The following PCDH7 variants were observed in gnomAD, a reference collection of about 807,000 sequenced individuals.
PCDH7 encodes protocadherin-7.
PCDH7 carries 17 observed loss-of-function variants against 58.9 expected under a neutral mutation model. That is an observed-to-expected ratio of 0.29 (90% CI 0.20 to 0.43). The LOEUF is 0.43. PCDH7 is among the 20% of genes least tolerant of loss of function. The probability of loss-of-function intolerance (pLI) is 1.00; values close to 1 mark genes in which losing one functional copy is unlikely to be tolerated. For synonymous variants in PCDH7, 664 were observed against 616.4 expected, an observed-to-expected ratio of 1.08 and a Z score of -1.14; for missense variants, 1,274 against 1,441.0, an observed-to-expected ratio of 0.88 and a Z score of 1.88.
At chr4:31,031,757 C>T (rs1311384115) in intron 3 of PCDH7, among the ~76,000 whole-genome samples, 1 of 152,256 alleles carries the variant, frequency 6.6e-6, no homozygotes, top group East Asian at 1.9e-4. Context: ...CCTTTGGAAA[C>T]ATATACAACT....
intron 1 of PCDH7, among the ~76,000 whole-genome samples, chr4:30,889,256 G>A (rs11725675): frequency 0.17 from 25,912 of 151,492 alleles, 2,288 homozygotes; most frequent in African/African-American, 0.21. Flanking sequence ...CATTTATGAC[G>A]TAGTTTGAAA....
rs186388667 is a variant in PCDH7 at position 30,992,293 on chromosome 4, C to T, written c.*7+42078C>T. The stretch of plus-strand genomic sequence containing the variant: ...GAAACTTTTATTCTTTATGGTGGCT[C>T]ACAATGGATAATTCCCAATCCAGCT... On this transcript the variant is annotated intron_variant, in intron 3 of 3. Transcript: ENST00000509759. 2.1e-4 allele frequency among the ~76,000 whole-genome samples: 32 copies of T among 152,220 alleles called. 2 individuals are homozygous for T. The highest frequency in any genetic ancestry group is 3.3e-4 in the Admixed American group (5 of 15,284).
chr4:31,073,966 G>C (rs1464237752), intron 3 of PCDH7, among the ~76,000 whole-genome samples: 1 of 151,776 alleles, frequency 6.6e-6, no homozygotes, highest in Non-Finnish European at 1.5e-5. Context: ...CGGCCAAACT[G>C]CTTTTCTAGC....
At chr4:30,994,577 G>GTAAATACCT (rs1751716635) in intron 3 of PCDH7, among the ~76,000 whole-genome samples, 1 of 152,138 alleles carries the variant, frequency 6.6e-6, no homozygotes, top group Non-Finnish European at 1.5e-5. Flanking sequence ...TGAAGGCATT[G>GTAAATACCT]TTGATATGTA....
chr4:30,908,911 C>G (rs757658186), intron 1 of PCDH7, among the ~76,000 whole-genome samples: 1 of 152,122 alleles, frequency 6.6e-6, no homozygotes, highest in Admixed American at 6.6e-5. Context: ...CCCTGATGAA[C>G]ATCCATGTGA....
chr4:30,915,287 A>T (rs766181173), intron 1 of PCDH7, among the ~76,000 whole-genome samples: 8 of 152,008 alleles, frequency 5.3e-5, no homozygotes, highest in Non-Finnish European at 8.8e-5. Flanking sequence ...TTCTCCATTG[A>T]TTGACAAGCC....
intron 3 of PCDH7, among the ~76,000 whole-genome samples, chr4:31,085,305 T>A (rs1186833208): frequency 1.3e-5 from 2 of 152,174 alleles, no homozygotes; most frequent in East Asian, 3.9e-4. Flanking sequence ...CTGCAAAATA[T>A]CTCAAGCACT....
At chr4:31,023,007 C>T (rs1754148484) in intron 3 of PCDH7, among the ~76,000 whole-genome samples, 1 of 152,132 alleles carries the variant, frequency 6.6e-6, no homozygotes, top group Admixed American at 6.6e-5. Flanking sequence ...TATCTTTGCT[C>T]AGAACAAGGG....
At chr4:30,959,246 C>CT (rs35379459) in intron 3 of PCDH7, among the ~76,000 whole-genome samples, 4,829 of 143,906 alleles carry the variant, frequency 0.034, 115 homozygotes, top group African/African-American at 0.058. Flanking sequence ...ATTGGAAAGT[C>CT]TTTTTTTTTT....
At chr4:30,861,748 A>G (rs1168106747) in intron 1 of PCDH7, among the ~76,000 whole-genome samples, 1 of 152,140 alleles carries the variant, frequency 6.6e-6, no homozygotes, top group East Asian at 1.9e-4. Flanking sequence ...ATACAGGTAC[A>G]TATCAAAGTA....
intron 3 of PCDH7, among the ~76,000 whole-genome samples, chr4:31,079,428 A>G (rs1463076042): frequency 6.1e-5 from 9 of 147,566 alleles, no homozygotes; most frequent in Admixed American, 4.1e-4. Context: ...TGGCTGGTAA[A>G]CACATGAAAA....
intron 2 of PCDH7, among the ~76,000 whole-genome samples, chr4:30,923,614 A>G (rs1216491753): frequency 1.3e-5 from 2 of 152,154 alleles, no homozygotes; most frequent in South Asian, 2.1e-4. Context: ...GTAGAATGAG[A>G]TCCACCATTT....
intron 3 of PCDH7, among the ~76,000 whole-genome samples, chr4:31,100,331 A>G (rs13434563): frequency 6.6e-6 from 1 of 152,226 alleles, no homozygotes; most frequent in South Asian, 2.1e-4. Flanking sequence ...AGCATCAAAC[A>G]AAAATGTAAA....
At chr4:31,144,524 C>T (rs576732245), downstream of PCDH7, 15 of 152,232 alleles carry the variant, frequency 9.9e-5, no homozygotes, top group African/African-American at 3.6e-4. Context: ...TGTTTGCAAG[C>T]TGGTTAAGGC....
At chr4:31,088,203 C>T (rs970440085) in intron 3 of PCDH7, among the ~76,000 whole-genome samples, 3 of 152,000 alleles carry the variant, frequency 2.0e-5, no homozygotes, top group Non-Finnish European at 4.4e-5. Context: ...ATTTGTCTCA[C>T]ATGTTTACAC....
intron 1 of PCDH7, among the ~76,000 whole-genome samples, chr4:30,896,260 C>T (rs1186861814): frequency 2.4e-4 from 36 of 152,182 alleles, no homozygotes. Flanking sequence ...TAAATTCTTG[C>T]TGTGAAGTTG....
At chr4:30,793,166 A>T (rs560128826) in intron 1 of PCDH7, among the ~76,000 whole-genome samples, 49 of 152,292 alleles carry the variant, frequency 3.2e-4, no homozygotes, top group Non-Finnish European at 5.9e-4. Context: ...TATGAGGCTT[A>T]CTTCCAATTA....
chr4:30,975,487 G>A (rs1749989955), intron 3 of PCDH7, among the ~76,000 whole-genome samples: 1 of 152,200 alleles, frequency 6.6e-6, no homozygotes, highest in South Asian at 2.1e-4. Flanking sequence ...ATCCTAGAAA[G>A]ACTACCAAAT....
intron 1 of PCDH7, among the ~76,000 whole-genome samples, chr4:30,875,996 T>A (rs1056002279): frequency 2.0e-5 from 3 of 152,128 alleles, no homozygotes; most frequent in African/African-American, 7.2e-5. Context: ...GTCATGTTGG[T>A]CTCCAAGGAG....
Sources: allele counts gnomAD v4.1 joint callset (sites outside exome capture counted in the v4.1 genomes callset), GRCh38; gene constraint gnomAD v4.1.1; transcripts MANE v1.5; gene names NCBI Gene and HGNC (gene_info 2026-07-23, HGNC 2026-07-21).